Variants in NCOR1 observed in about 807,000 individuals in gnomAD.
NCOR1 encodes the protein nuclear receptor corepressor 1.
Under a neutral mutation model 288.1 loss-of-function variants are expected in NCOR1, and 63 were observed. That is an observed-to-expected ratio of 0.22 (90% CI 0.18 to 0.27). The LOEUF (loss-of-function observed/expected upper bound fraction) is 0.27. NCOR1 is among the 10% of genes least tolerant of loss of function. The pLI, the probability that NCOR1 is intolerant of heterozygous loss-of-function variation, is 1.00. For synonymous variants in NCOR1, 1,007 were observed against 1,065.9 expected (o/e 0.94, Z 1.08); for missense variants, 2,397 against 3,019.2 (o/e 0.79, Z 4.83).
intron 40 of NCOR1, among the ~76,000 whole-genome samples, chr17:16,049,923 G>A (rs926322895): frequency 3.9e-5 from 6 of 151,930 alleles, no homozygotes; most frequent in Admixed American, 2.6e-4. Context: ...ACAGGGTCCC[G>A]CTCGTTGCCC....
Position 16,032,315 on chromosome 17 carries a change from AG to A in NCOR1, c.7303del (p.Leu2435CysfsTer56). 6.2e-7 allele frequency: 1 copy of A among 1,613,012 alleles called. No homozygotes were observed. The highest frequency in any genetic ancestry group is 8.5e-7 in the Non-Finnish European group (1 of 1,179,604). On this transcript the variant is annotated frameshift_variant, in exon 46 of 46. Transcript: ENST00000268712. LOFTEE classifies it high-confidence loss of function. ...APLLSAQYETLSDSDD is the reference protein window; with the variant it reads ...APLLSAQYETXSDSDD ...TGCAGTTCAGTCATCACTATCCGAC[AG>A]GGTCTCGTACTGTGCTGAGAGCAGT...
At chr17:16,168,421 G>A (rs1253294004) in intron 4 of NCOR1, among the ~76,000 whole-genome samples, 5 of 151,660 alleles carry the variant, frequency 3.3e-5, no homozygotes, top group East Asian at 2.0e-4. Context: ...GGTTGGTCTC[G>A]AACTCCTGAC....
intron 39 of NCOR1, 22 bp downstream of exon 39, chr17:16,057,885 A>G: frequency 6.4e-7 from 1 of 1,567,848 alleles, no homozygotes; most frequent in Non-Finnish European, 8.6e-7. Context: ...AAATTAACTA[A>G]TAAGAATAAT....
At chr17:16,118,801 T>G (rs943754849) in intron 17 of NCOR1, among the ~76,000 whole-genome samples, 1 of 152,218 alleles carries the variant, frequency 6.6e-6, no homozygotes, top group African/African-American at 2.4e-5. Flanking sequence ...ATTAGAAATT[T>G]TAGTTCAATT....
chr17:16,158,121 G>T (rs178656), intron 6 of NCOR1, among the ~76,000 whole-genome samples: 9,716 of 152,076 alleles, frequency 0.064, 462 homozygotes, highest in Middle Eastern at 0.12. Flanking sequence ...CTACAGGCAT[G>T]CGCCACCACG....
At chr17:16,067,468 A>G (rs2061263655) in intron 32 of NCOR1, among the ~76,000 whole-genome samples, 1 of 152,240 alleles carries the variant, frequency 6.6e-6, no homozygotes, top group Non-Finnish European at 1.5e-5. Flanking sequence ...TTTACTTAAA[A>G]AAAAGAATTT....
chr17:16,065,700 T>C lies in NCOR1; in HGVS notation c.4742-6A>G, dbSNP rs1226472642. 1.9e-6 allele frequency: 3 copies of C among 1,613,732 alleles called. No individual in the cohort carries two copies. The Admixed American group carries it at 5.0e-5, about 27-fold the overall frequency. The stretch of plus-strand genomic sequence containing the variant: ...AAACAGGTAAGCAGCCGCTGCTGAT[T>C]GAGAGAATGAAAGAAAGGCACTGAG... On this transcript the variant is annotated splice_region_variant and splice_polypyrimidine_tract_variant and intron_variant, in intron 32 of 45. Transcript: ENST00000268712.
rs1228658636 is a variant in NCOR1, at chr17:16,065,753, A to G, written c.4742-59T>C. The G allele has an allele frequency of 7.5e-6, 11 of 1,460,708 alleles. No individual in the cohort carries two copies. In the Middle Eastern group the frequency reaches 5.4e-4, roughly 71 times the overall value. The allele number at this position is 1,460,708 out of a possible 1,614,324, so 90.5% of individuals were successfully genotyped here. ...TTGTCCTGGCTGAAATACATTTGCT[A>G]AACACCACGTACAAAAGAGTAGAGA... On this transcript the variant is annotated intron_variant, in intron 32 of 45. Transcript: ENST00000268712.
intron 15 of NCOR1, 34 bp downstream of exon 15, chr17:16,126,048 T>A: frequency 9.9e-7 from 1 of 1,012,656 alleles, no homozygotes; most frequent in Non-Finnish European, 1.4e-6. Context: ...AAAATAAACA[T>A]TTAACTTATT....
intron 36 of NCOR1, 87 bp downstream of exon 36, chr17:16,062,018 A>G (rs2060595857): frequency 1.3e-6 from 2 of 1,577,724 alleles, no homozygotes; most frequent in Non-Finnish European, 1.7e-6. Context: ...GCAGAAAAGC[A>G]TGACTATACT....
At position 16,130,995 on chromosome 17, in the gene NCOR1, T is replaced by A. The variant is rs8065884; in HGVS notation, c.1510-4789A>T. 9.9e-3 allele frequency among the ~76,000 whole-genome samples: 1,477 copies of A among 149,582 alleles called. 24 individuals carry two copies. Among genetic ancestry groups the A allele is most frequent in the African/African-American group, 0.034 (1,393 of 40,658 alleles). On this transcript the variant is annotated intron_variant, in intron 14 of 45. Coordinates refer to ENST00000268712, the MANE Select transcript of NCOR1 (RefSeq NM_006311.4). ...TAAGCCACCGCACCTGGAATTTTTT[T>A]TTTTTTTTTTTAAGACTGGATCTCC...
At chr17:16,209,932 T>C (rs74221936) in intron 1 of NCOR1, among the ~76,000 whole-genome samples, 17 of 150,186 alleles carry the variant, frequency 1.1e-4, no homozygotes, top group Admixed American at 7.3e-4. Context: ...GCCTGGGCAA[T>C]AGAGTGAGAC....
intron 31 of NCOR1, chr17:16,068,457 A>G (rs1365025433): frequency 4.0e-6 from 1 of 249,588 alleles, no homozygotes; most frequent in African/African-American, 2.3e-5. Flanking sequence ...TTAACATTCT[A>G]AATTCTTTTG....
intron 3 of NCOR1, among the ~76,000 whole-genome samples, chr17:16,178,773 T>C (rs900842400): frequency 1.3e-5 from 2 of 152,112 alleles, no homozygotes; most frequent in African/African-American, 4.8e-5. Flanking sequence ...ACAAGTAAGC[T>C]GAATTCTCTC....
intron 2 of NCOR1, among the ~76,000 whole-genome samples, chr17:16,190,596 C>T (rs1457686997): frequency 6.6e-6 from 1 of 152,032 alleles, no homozygotes; most frequent in Non-Finnish European, 1.5e-5. Flanking sequence ...CCGCCTCAGC[C>T]TCCCAAAGTG....
chr17:16,086,218 G>C, intron 23 of NCOR1, 64 bp downstream of exon 23: 2 of 1,495,072 alleles, frequency 1.3e-6, no homozygotes, highest in Non-Finnish European at 1.9e-6. Context: ...GTGCGAGGAG[G>C]GAGGACAAGT....
intron 1 of NCOR1, among the ~76,000 whole-genome samples, chr17:16,203,026 G>T (rs2091033457): frequency 2.2e-5 from 3 of 139,494 alleles, no homozygotes. Flanking sequence ...ACAGCAAGTT[G>T]TTTAGCTGTT....
At chr17:16,199,211 A>AAAAC in intron 1 of NCOR1, among the ~76,000 whole-genome samples, 1 of 110,866 alleles carries the variant, frequency 9.0e-6, no homozygotes, top group East Asian at 3.7e-4. Context: ...AAGGAAAAAA[A>AAAAC]AAAAAACACA....
At chr17:16,053,595 TATC>T (rs2059565821) in intron 40 of NCOR1, among the ~76,000 whole-genome samples, 1 of 152,216 alleles carries the variant, frequency 6.6e-6, no homozygotes, top group African/African-American at 2.4e-5. Flanking sequence ...GAAGAATCAA[TATC>T]ATTAAAATGG....
Sources: allele counts gnomAD v4.1 joint callset (sites outside exome capture counted in the v4.1 genomes callset), GRCh38; gene constraint gnomAD v4.1.1; transcripts MANE v1.5; gene names NCBI Gene and HGNC (gene_info 2026-07-23, HGNC 2026-07-21).